TTC21A: variants seen among roughly 807,000 people sequenced by gnomAD.
TTC21A encodes the protein tetratricopeptide repeat domain 21A.
TTC21A carries 128 observed loss-of-function variants against 156.4 expected under a neutral mutation model. That is an observed-to-expected ratio of 0.82 (90% CI 0.71 to 0.95). The LOEUF is 0.95. TTC21A is among the 40% of genes least tolerant of loss of function. The pLI is 0.00. For synonymous variants in TTC21A, 587 were observed against 617.1 expected (o/e 0.95, Z 0.72); for missense variants, 1,435 against 1,602.3 (o/e 0.90, Z 1.78).
intron 20 of TTC21A, among the ~76,000 whole-genome samples, chr3:39,133,442 C>T (rs866354988): frequency 6.6e-5 from 10 of 152,340 alleles, no homozygotes; most frequent in Middle Eastern, 3.4e-3. Context: ...CCTGCTGCAG[C>T]CCTTGGAGCA....
Position 39,130,569 on chromosome 3 carries a change from G to A in TTC21A, c.2320-132G>A. 8.2e-7 allele frequency: 1 copy of A among 1,220,176 alleles called. No individual in the cohort carries two copies. Among genetic ancestry groups the A allele is most frequent in the Middle Eastern group, 2.7e-4 (1 of 3,650 alleles). The allele number at this position is 1,220,176 out of a possible 1,614,324, so 75.6% of individuals were successfully genotyped here. A position where few individuals can be genotyped will look rare whatever the true frequency, so the allele number is the denominator to read the frequency against. ...TGAGGGTTACACCCTGTGCCAGCTG[G>A]GAGGAGTGCCTTTTCACTTTAGGCT... On this transcript the variant is annotated intron_variant, in intron 17 of 28. Transcript: ENST00000683103. The surrounding 1 kb of genome is among the most constrained non-coding windows in gnomAD (Gnocchi z 4.5).
intron 13 of TTC21A, 22 bp from the exon 14 acceptor site, chr3:39,128,695 C>T: frequency 1.2e-6 from 2 of 1,610,120 alleles, no homozygotes; most frequent in East Asian, 2.2e-5. Context: ...TGGAGCCCCA[C>T]ACTCTGCTGT....
Position 39,128,948 on chromosome 3 carries a change from C to G in TTC21A, c.1896+16C>G. 6.2e-7 allele frequency: 1 copy of G among 1,613,684 alleles called. No individual in the cohort carries two copies. The highest frequency in any genetic ancestry group is 8.5e-7 in the Non-Finnish European group (1 of 1,179,614). The stretch of plus-strand genomic sequence containing the variant: ...TGGGGAGCTAGTAAGAAATGCCGTG[C>G]TCTCTTCCCTGGGGACTGGGGCACA... On this transcript the variant is annotated intron_variant, in intron 14 of 28. Transcript: ENST00000683103.
At chr3:39,136,754 C>T (rs62242335) in intron 23 of TTC21A, 145 bp from the exon 24 acceptor site, 41,486 of 1,112,938 alleles carry the variant, frequency 0.037, 908 homozygotes, top group Non-Finnish European at 0.043. Context: ...CACACAGGTC[C>T]GACGCCCGCA....
At chr3:39,135,420 A>G (rs2039040381) in intron 22 of TTC21A, among the ~76,000 whole-genome samples, 1 of 152,246 alleles carries the variant, frequency 6.6e-6, no homozygotes, top group African/African-American at 2.4e-5. Flanking sequence ...TCTGTCCCCA[A>G]ATCACAGCCA....
chr3:39,135,097 T>C lies in TTC21A; in HGVS notation c.2867T>C (p.Met956Thr), dbSNP rs1575560185. The C allele has an allele frequency of 1.9e-6, 3 of 1,614,096 alleles. No homozygotes were observed. In the East Asian group the frequency reaches 6.7e-5, roughly 36 times the overall value. ...GCTTTGTGTGTTTTCTGATAGTTGA[T>C]GGCTGACCTGATGTTTAGAAAACAG... ...EQNHETASVL[M>T]ADLMFRKQKH... Residue 956 changes from methionine to threonine, a missense_variant, in exon 22 of 29, where the codon ATG (methionine) becomes ACG (threonine). By Grantham distance (81) the Met-to-Thr change is moderately conservative. Transcript: ENST00000683103.
chr3:39,118,571 A>G, intron 7 of TTC21A: 1 of 181,724 alleles, frequency 5.5e-6, no homozygotes, highest in Non-Finnish European at 1.2e-5. Flanking sequence ...TCGTGGTAGT[A>G]TTTCTGAATT....
At chr3:39,126,449 G>A in intron 12 of TTC21A, 59 bp downstream of exon 12, 1 of 1,569,204 alleles carries the variant, frequency 6.4e-7, no homozygotes, top group Non-Finnish European at 8.7e-7. Context: ...GTAGCTTTGT[G>A]TCTGCAGGCT....
intron 19 of TTC21A, 106 bp from the exon 20 acceptor site, chr3:39,132,946 T>A (rs35628459): frequency 0.66 from 896,812 of 1,360,976 alleles, 302,174 homozygotes; most frequent in East Asian, 0.71. Context: ...AGGGCACTTA[T>A]GTGTCATTTT....
rs573118022 is a variant in TTC21A at position 39,137,871 on chromosome 3, A to G, written c.3675+161A>G. ...ACATGGGCGACAGACCAGAATAGGA[A>G]TGAGGATCAAGGGCGATGGACCAGG... is the stretch of plus-strand genomic sequence containing the variant. On this transcript the variant is annotated intron_variant, in intron 26 of 28. Transcript: ENST00000683103. 4.7e-3 allele frequency: 3,586 copies of G among 764,462 alleles called. 20 individuals are homozygous for G. Among genetic ancestry groups the G allele is most frequent in the Non-Finnish European group, 6.6e-3 (3,105 of 469,782 alleles). 47.4% of individuals were successfully genotyped at this position (764,462 alleles called of 1,614,324 possible). A position where few individuals can be genotyped will look rare whatever the true frequency, so the allele number is the denominator to read the frequency against.
chr3:39,126,838 C>A (rs1211339540), intron 12 of TTC21A, among the ~76,000 whole-genome samples: 1 of 152,082 alleles, frequency 6.6e-6, no homozygotes, highest in Non-Finnish European at 1.5e-5. Context: ...TACAGTAGTA[C>A]CAAAAATAGG....
chr3:39,115,060 G>T (rs1451200220), intron 6 of TTC21A, among the ~76,000 whole-genome samples: 3 of 152,190 alleles, frequency 2.0e-5, no homozygotes, highest in Admixed American at 6.5e-5. Context: ...GAAAGCAGTT[G>T]CTATGAAGAC....
intron 4 of TTC21A, 74 bp from the exon 5 acceptor site, chr3:39,112,382 AGT>A: frequency 6.5e-7 from 1 of 1,536,074 alleles, no homozygotes; most frequent in Non-Finnish European, 9.0e-7. Flanking sequence ...TGGGTGGCAA[AGT>A]GTGGATCATG....
Position 39,130,345 on chromosome 3 carries a change from A to T in TTC21A, c.2306A>T (p.His769Leu). The part of the protein sequence containing the change: ...SRIGHAYVKA[H>L]QYTEAIEYYE... ...ATTGGGCACGCTTATGTGAAGGCCC[A>T]CCAGTATACTGAGGTCAGGCTGGGC... Residue 769 changes from histidine to leucine, a missense_variant, in exon 17 of 29, where the codon CAC becomes CTC. Physicochemically the swap from His to Leu is moderately conservative, Grantham distance 99 (BLOSUM62 -3). Transcript: ENST00000683103. The surrounding 1 kb of genome is among the most constrained non-coding windows in gnomAD (Gnocchi z 4.5). The T allele has an allele frequency of 6.2e-7, 1 of 1,612,922 alleles. No homozygotes were observed. The highest frequency in any genetic ancestry group is 8.5e-7 in the Non-Finnish European group (1 of 1,179,408).
chr3:39,129,047 G>C (rs1472513605), intron 14 of TTC21A, 25 bp from the exon 15 acceptor site: 1 of 1,611,950 alleles, frequency 6.2e-7, no homozygotes, highest in Admixed American at 1.7e-5. Flanking sequence ...TCAAGTGAAG[G>C]GTCTGTTTGA....
At chr3:39,124,938 T>C (rs2038094154) in intron 9 of TTC21A, 125 bp from the exon 10 acceptor site, 1 of 699,712 alleles carries the variant, frequency 1.4e-6, no homozygotes, top group Admixed American at 2.1e-5. Flanking sequence ...TTTGTAGAAA[T>C]GTTGGAAAAG....
In TTC21A at chr3:39,107,830, G is replaced by T. The variant is rs1311195006; in HGVS notation, c.-8G>T. On this transcript the variant is annotated 5_prime_UTR_variant, in exon 1 of 29. Coordinates refer to ENST00000683103, the MANE Select transcript of TTC21A (RefSeq NM_001366900.1). ...CAGACCCGGACTCGGAGCCGCGAGC[G>T]GCCCGAGATGAGCAGCAATGACTCC... The T allele has an allele frequency of 4.3e-6, 7 of 1,612,608 alleles. No homozygotes were observed. The highest frequency in any genetic ancestry group is 1.3e-5 in the African/African-American group (1 of 74,922).
Position 39,107,823 on chromosome 3 carries a change from C to A in TTC21A, c.-15C>A, listed in dbSNP as rs757113636. ...GCCCCACCAGACCCGGACTCGGAGC[C>A]GCGAGCGGCCCGAGATGAGCAGCAA... is the stretch of plus-strand genomic sequence containing the variant. On this transcript the variant is annotated 5_prime_UTR_variant, in exon 1 of 29. Coordinates refer to ENST00000683103, the MANE Select transcript of TTC21A (RefSeq NM_001366900.1). 1.2e-6 allele frequency: 2 copies of A among 1,612,634 alleles called. No individual in the cohort carries two copies. The highest frequency in any genetic ancestry group is 2.2e-5 in the South Asian group (2 of 91,078).
rs2038690066 is a variant in TTC21A at position 39,131,004 on chromosome 3, C to T, written c.2471C>T (p.Pro824Leu). 18 of 1,613,810 alleles carry T rather than the reference C, an allele frequency of 1.1e-5. No individual in the cohort carries two copies. The highest frequency in any genetic ancestry group is 2.7e-5 in the African/African-American group (2 of 74,998). ...TTCCATTTAACAGTCCAAGACATCCCATCCATGATGAATGATGTTAAGTGC... is the reference window on the plus strand; with the variant it reads ...TTCCATTTAACAGTCCAAGACATCCTATCCATGATGAATGATGTTAAGTGC... Reference protein sequence around the residue: ...ALEHDIVQDIPSMMNDVKCLL... With the variant: ...ALEHDIVQDILSMMNDVKCLL... Residue 824 changes from proline (P) to leucine (L), a missense_variant, in exon 19 of 29, where the codon CCA (proline) becomes CTA (leucine). Transcript: ENST00000683103.
Sources: gnomAD v4.1 joint callset for allele counts (sites outside exome capture counted in the v4.1 genomes callset) on GRCh38, gnomAD v4.1.1 for gene constraint, Gnocchi (gnomAD v3.1) non-coding constraint, MANE v1.5 for transcripts, NCBI Gene and HGNC (gene_info 2026-07-23, HGNC 2026-07-21) for gene names.